GCNT1: variants seen among roughly 807,000 people sequenced by gnomAD.
GCNT1 encodes beta-1,3-galactosyl-O-glycosyl-glycoprotein beta-1,6-N-acetylglucosaminyltransferase.
Under a neutral mutation model 26.2 loss-of-function variants are expected in GCNT1, and 16 were observed. The observed-to-expected ratio is 0.61, with a 90% CI of 0.41 to 0.93. The LOEUF (loss-of-function observed/expected upper bound fraction) is 0.93, where lower values mean the gene tolerates loss of function less well. Among genes scored for constraint, GCNT1 ranks in the 40% least tolerant of loss-of-function variants. GCNT1 has a pLI of 0.00. For synonymous variants in GCNT1, 183 were observed against 190.8 expected, an observed-to-expected ratio of 0.96 and a Z score of 0.34; for missense variants, 477 against 526.7, an observed-to-expected ratio of 0.91 and a Z score of 0.92.
intron 2 of GCNT1, among the ~76,000 whole-genome samples, chr9:76,500,322 T>G (rs147882777): frequency 6.6e-6 from 1 of 152,196 alleles, no homozygotes; most frequent in Non-Finnish European, 1.5e-5. Flanking sequence ...AGTTAGTTAG[T>G]GGTCTGCTAA....
chr9:76,398,461 T>C, the GCNT1 span, among the ~76,000 whole-genome samples: 9 of 152,198 alleles, frequency 5.9e-5, no homozygotes, highest in African/African-American at 1.9e-4. Flanking sequence ...TTTCATTCAT[T>C]GTTGGTGGGA....
In GCNT1 at chr9:76,502,973, A is replaced by T; in HGVS notation, c.592A>T (p.Asn198Tyr). ...GTGGAGCCGGGTTCAGGCTGACCTC[A>T]ACTGCATGAAGGATCTCTATGCAAT... ...ASWSRVQADL[N>Y]CMKDLYAMSA... Residue 198 changes from asparagine to tyrosine, a missense_variant, in exon 4 of 4, where the codon AAC (asparagine) becomes TAC (tyrosine). By Grantham distance (143) the Asn-to-Tyr change is moderately radical. Coordinates refer to ENST00000376730, the MANE Select transcript of GCNT1 (RefSeq NM_001490.5). 1.2e-6 allele frequency: 2 copies of T among 1,613,000 alleles called. No homozygotes were observed. The highest frequency in any genetic ancestry group is 1.7e-6 in the Non-Finnish European group (2 of 1,179,788).
intron 2 of GCNT1, among the ~76,000 whole-genome samples, chr9:76,487,450 C>T (rs1470627754): frequency 2.0e-5 from 3 of 152,180 alleles, no homozygotes; most frequent in Admixed American, 6.5e-5. Flanking sequence ...TTCCTGCTGC[C>T]GAAGGGCAAT....
In GCNT1 at chr9:76,503,343, A is replaced by G; in HGVS notation, c.962A>G (p.Tyr321Cys). 1 of 1,614,024 alleles carries G rather than the reference A, an allele frequency of 6.2e-7. No homozygotes were observed. Among genetic ancestry groups the G allele is most frequent in the Non-Finnish European group, 8.5e-7 (1 of 1,179,898 alleles). The change falls in exon 4 of 4, where the codon TAT (tyrosine) becomes TGT (cysteine). Residue 321 changes from tyrosine to cysteine, a missense_variant. Tyr to Cys is a radical substitution (Grantham distance 194). Transcript: ENST00000376730. ...WAQDTYSPDEYLWATIQRIPE... is the reference protein window; with the variant it reads ...WAQDTYSPDECLWATIQRIPE... ...CAAGACACATACAGCCCTGATGAGT[A>G]TCTCTGGGCCACCATCCAAAGGATT...
rs1430854406 is a variant in GCNT1 at position 76,500,127 on chromosome 9, T to C, written c.-289-789T>C. On this transcript the variant is annotated intron_variant, in intron 2 of 3. Transcript: ENST00000376730. The stretch of plus-strand genomic sequence containing the variant: ...TGTGGACCAGACTTTTGTGTTTCTT[T>C]GCATGCCTTGTAATTTTTTTTTTGT... Among the ~76,000 whole-genome samples the C allele has an allele frequency of 8.0e-5, 12 of 149,396 alleles. No homozygotes were observed. The East Asian group carries it at 2.0e-3, about 24-fold the overall frequency.
chr9:76,482,346 C>T (rs995137116), intron 2 of GCNT1, among the ~76,000 whole-genome samples: 4 of 151,780 alleles, frequency 2.6e-5, no homozygotes, highest in Admixed American at 6.6e-5. Context: ...CAGGGCTGGG[C>T]GTGGTGGCTC....
chr9:76,462,749 A>G (rs1823901471), intron 2 of GCNT1, among the ~76,000 whole-genome samples: 1 of 152,202 alleles, frequency 6.6e-6, no homozygotes, highest in Non-Finnish European at 1.5e-5. Context: ...AAACACCTTT[A>G]TCATAAAGAT....
chr9:76,483,823 T>C (rs1037075570), intron 2 of GCNT1, among the ~76,000 whole-genome samples: 1 of 152,026 alleles, frequency 6.6e-6, no homozygotes, highest in African/African-American at 2.4e-5. Context: ...TCTGAAAAAC[T>C]TTTTGTCGTG....
At chr9:76,436,343 C>T (rs1420919164) in intron 1 of GCNT1, among the ~76,000 whole-genome samples, 1 of 151,756 alleles carries the variant, frequency 6.6e-6, no homozygotes, top group South Asian at 2.1e-4. Flanking sequence ...GTCACAATGC[C>T]TTGGGAGGCA....
rs1825137419 is a variant in GCNT1 at position 76,503,266 on chromosome 9, T to G, written c.885T>G (p.Tyr295Ter). 1 of 1,613,952 alleles carries G rather than the reference T, an allele frequency of 6.2e-7. No individual in the cohort carries two copies. The highest frequency in any genetic ancestry group is 1.1e-5 in the South Asian group (1 of 91,080). ...CCTACTTCGTGGTCAGTAGGGAGTA[T>G]GTGGGGTATGTACTACAGAATGAAA... Reference protein sequence around the residue: ...GSAYFVVSREYVGYVLQNEKI... With the variant: ...GSAYFVVSRE Residue 295 changes from tyrosine to a stop codon, truncating the protein, a stop_gained, in exon 4 of 4, where the codon TAT (tyrosine) becomes TAG (stop). Transcript: ENST00000376730. LOFTEE classifies it high-confidence loss of function.
At chr9:76,473,616 A>G (rs1040410759) in intron 2 of GCNT1, among the ~76,000 whole-genome samples, 3 of 152,222 alleles carry the variant, frequency 2.0e-5, no homozygotes, top group Non-Finnish European at 4.4e-5. Flanking sequence ...TAATTTCCCC[A>G]ATGAAATTGT....
chr9:76,433,442 G>A (rs776676338), intron 1 of GCNT1, among the ~76,000 whole-genome samples: 48 of 152,154 alleles, frequency 3.2e-4, no homozygotes, highest in Non-Finnish European at 4.9e-4. Flanking sequence ...TGTGTGCCAC[G>A]GCGTACCCCT....
chr9:76,465,980 T>A (rs867263642), intron 2 of GCNT1, among the ~76,000 whole-genome samples: 6 of 152,154 alleles, frequency 3.9e-5, no homozygotes, highest in Non-Finnish European at 7.3e-5. Context: ...GTGTTTTGTT[T>A]GTGAGACATC....
chr9:76,477,948 A>T lies in GCNT1; in HGVS notation c.-290+17771A>T, dbSNP rs762737473. Among the ~76,000 whole-genome samples, 91 of 152,162 alleles carry T rather than the reference A, an allele frequency of 6.0e-4. 1 individual carries two copies. The highest frequency in any genetic ancestry group is 1.2e-3 in the Non-Finnish European group (80 of 68,030). On this transcript the variant is annotated intron_variant, in intron 2 of 3. Transcript: ENST00000376730. ...GAGAACTTTTGTGTCTAGTTAAAGGATTGTAAATGCACCGATCAGCGCTCT... is the reference window on the plus strand; with the variant it reads ...GAGAACTTTTGTGTCTAGTTAAAGGTTTGTAAATGCACCGATCAGCGCTCT...
chr9:76,408,668 C>T, the GCNT1 span, among the ~76,000 whole-genome samples: 1 of 151,834 alleles, frequency 6.6e-6, no homozygotes, highest in Non-Finnish European at 1.5e-5. Context: ...AAACCACTTC[C>T]TCCGCTTCTA....
chr9:76,444,063 C>T (rs71509879), intron 1 of GCNT1, among the ~76,000 whole-genome samples: 4,700 of 152,124 alleles, frequency 0.031, 96 homozygotes, highest in Non-Finnish European at 0.048. Flanking sequence ...AGACAGATGA[C>T]TCCAGGAGTG....
At chr9:76,424,264 G>C (rs1023341589) in intron 1 of GCNT1, among the ~76,000 whole-genome samples, 1 of 152,160 alleles carries the variant, frequency 6.6e-6, no homozygotes, top group Non-Finnish European at 1.5e-5. Flanking sequence ...TCAAGGCCTG[G>C]GTCCTGGGGA....
At chr9:76,474,774 A>G (rs2131608326) in intron 2 of GCNT1, among the ~76,000 whole-genome samples, 1 of 152,346 alleles carries the variant, frequency 6.6e-6, no homozygotes, top group African/African-American at 2.4e-5. Flanking sequence ...CCAGTTGGCA[A>G]TTTTTAAAGA....
chr9:76,413,812 C>T, the GCNT1 span, among the ~76,000 whole-genome samples: 1 of 151,586 alleles, frequency 6.6e-6, no homozygotes, highest in Non-Finnish European at 1.5e-5. Flanking sequence ...TCTTTCTTCT[C>T]CTTCTGGAAT....
Sources: gnomAD v4.1 joint callset for allele counts (sites outside exome capture counted in the v4.1 genomes callset) on GRCh38, gnomAD v4.1.1 for gene constraint, MANE v1.5 for transcripts, NCBI Gene and HGNC (gene_info 2026-07-23, HGNC 2026-07-21) for gene names.